MAJIN: variants seen among roughly 807,000 people sequenced by gnomAD.
MAJIN encodes the protein membrane anchored junction protein.
Under a neutral mutation model 30.2 loss-of-function variants are expected in MAJIN, and 27 were observed. The observed-to-expected ratio is 0.89, with a 90% confidence interval of 0.66 to 1.23. MAJIN has a LOEUF of 1.23. Among genes scored for constraint, MAJIN ranks in the 50% most tolerant of loss-of-function variants. MAJIN has a pLI of 0.00. For missense variants in MAJIN, 253 were observed against 260.3 expected (o/e 0.97, Z 0.19); for synonymous variants, 78 against 91.6 (o/e 0.85, Z 0.85).
intron 8 of MAJIN, among the ~76,000 whole-genome samples, chr11:64,947,142 T>A (rs776845055): frequency 6.6e-6 from 1 of 152,220 alleles, no homozygotes; most frequent in African/African-American, 2.4e-5. Flanking sequence ...TATTTCTTCT[T>A]AGCCTTCATC....
At chr11:64,961,856 A>G (rs551520612) in intron 1 of MAJIN, among the ~76,000 whole-genome samples, 1 of 149,242 alleles carries the variant, frequency 6.7e-6, no homozygotes, top group African/African-American at 2.5e-5. Flanking sequence ...TGGTATACCC[A>G]TAGCTCACTG....
intron 4 of MAJIN, among the ~76,000 whole-genome samples, chr11:64,953,545 C>A (rs578156857): frequency 6.6e-6 from 1 of 152,284 alleles, no homozygotes; most frequent in East Asian, 1.9e-4. Context: ...GTAATCCCAA[C>A]ACTTTGGGAG....
At chr11:64,967,068 G>A (rs1162247539) in intron 1 of MAJIN, among the ~76,000 whole-genome samples, 1 of 151,768 alleles carries the variant, frequency 6.6e-6, no homozygotes, top group Non-Finnish European at 1.5e-5. Context: ...CCAGGAGTTC[G>A]AGACCAGCCC....
intron 7 of MAJIN, 47 bp from the exon 8 acceptor site, chr11:64,947,512 T>G: frequency 6.4e-7 from 1 of 1,566,734 alleles, no homozygotes; most frequent in Non-Finnish European, 8.8e-7. Context: ...CCAGAGTTGC[T>G]CACAGTTCAT....
intron 1 of MAJIN, among the ~76,000 whole-genome samples, chr11:64,962,206 T>G (rs921236571): frequency 6.6e-6 from 1 of 152,230 alleles, no homozygotes; most frequent in African/African-American, 2.4e-5. Context: ...AGAGGAAATT[T>G]CATGTGTTGT....
intron 9 of MAJIN, among the ~76,000 whole-genome samples, chr11:64,940,262 C>CT (rs1945354165): frequency 1.3e-5 from 2 of 152,206 alleles, no homozygotes; most frequent in African/African-American, 4.8e-5. Context: ...AAACACAACC[C>CT]TCTCAACATT....
At chr11:64,963,918 G>C (rs891607277) in intron 1 of MAJIN, among the ~76,000 whole-genome samples, 1 of 152,130 alleles carries the variant, frequency 6.6e-6, no homozygotes, top group Non-Finnish European at 1.5e-5. Context: ...TTTTAGAAAT[G>C]AGATTGAGGA....
intron 3 of MAJIN, among the ~76,000 whole-genome samples, chr11:64,955,697 T>C (rs1293316594): frequency 6.6e-6 from 1 of 152,252 alleles, no homozygotes; most frequent in Admixed American, 6.5e-5. Flanking sequence ...AAAATTTCCG[T>C]CCACCATTTT....
chr11:64,960,787 G>A (rs1422643152), intron 1 of MAJIN, among the ~76,000 whole-genome samples: 1 of 152,176 alleles, frequency 6.6e-6, no homozygotes, highest in South Asian at 2.1e-4. Context: ...CTACGTGCCC[G>A]AAGAATGGAA....
chr11:64,950,323 C>T, intron 5 of MAJIN, 32 bp downstream of exon 5: 10 of 1,236,258 alleles, frequency 8.1e-6, no homozygotes, highest in Non-Finnish European at 1.1e-5. Context: ...GAGCAAGACT[C>T]CATCTCAAAA....
chr11:64,964,336 GAACGCCT>G (rs1945773568), intron 1 of MAJIN, among the ~76,000 whole-genome samples: 1 of 152,206 alleles, frequency 6.6e-6, no homozygotes, highest in Non-Finnish European at 1.5e-5. Flanking sequence ...AGAGACTCAT[GAACGCCT>G]ATAGCTGGAG....
chr11:64,961,047 A>G (rs1457493228), intron 1 of MAJIN, among the ~76,000 whole-genome samples: 7 of 152,220 alleles, frequency 4.6e-5, no homozygotes, highest in Non-Finnish European at 7.3e-5. Context: ...AACCCAGGCT[A>G]GTTTTGATGT....
intron 4 of MAJIN, 130 bp from the exon 5 acceptor site, chr11:64,950,560 T>C: frequency 1.4e-6 from 1 of 729,524 alleles, no homozygotes; most frequent in Non-Finnish European, 2.2e-6. Context: ...TTAACACGTG[T>C]TCTGATTCTC....
intron 1 of MAJIN, among the ~76,000 whole-genome samples, chr11:64,965,557 A>T (rs17146539): frequency 0.046 from 6,951 of 152,206 alleles, 183 homozygotes; most frequent in Middle Eastern, 0.065. Flanking sequence ...CTTTGGCCAA[A>T]AGGTCCAGGA....
At position 64,972,065 on chromosome 11, in the gene MAJIN, C is replaced by A. The variant is rs541639661; in HGVS notation, c.-253G>T. 2.0e-5 allele frequency: 3 copies of A among 152,338 alleles called. No individual in the cohort carries two copies. In the East Asian group the frequency reaches 5.8e-4, roughly 29 times the overall value. 9.4% of individuals were successfully genotyped at this position (152,338 alleles called of 1,614,324 possible). On this transcript the variant is annotated 5_prime_UTR_variant, in exon 1 of 11. Coordinates refer to ENST00000301896, the MANE Select transcript of MAJIN (RefSeq NM_001037225.3). ...CGCCAGCTCCTAAGCAACTTCGGGG[C>A]TCGTGCCGCGCACCCACCAGGCCTT... is the stretch of plus-strand genomic sequence containing the variant.
intron 1 of MAJIN, among the ~76,000 whole-genome samples, chr11:64,963,380 G>A (rs1318954839): frequency 6.6e-6 from 1 of 152,194 alleles, no homozygotes; most frequent in Admixed American, 6.5e-5. Flanking sequence ...TCAGTGCATA[G>A]AACCTGAAGC....
At chr11:64,952,852 G>A (rs564582357) in intron 4 of MAJIN, among the ~76,000 whole-genome samples, 7 of 151,958 alleles carry the variant, frequency 4.6e-5, no homozygotes, top group East Asian at 1.9e-4. Context: ...CTACAGGTAC[G>A]TGCCACCACA....
intron 1 of MAJIN, among the ~76,000 whole-genome samples, chr11:64,970,535 C>G (rs538989907): frequency 6.6e-6 from 1 of 150,748 alleles, no homozygotes; most frequent in Non-Finnish European, 1.5e-5. Flanking sequence ...CCCGGCTGAT[C>G]TTTGTATTTT....
At chr11:64,943,954 T>G (rs1287643053) in intron 8 of MAJIN, among the ~76,000 whole-genome samples, 1 of 152,224 alleles carries the variant, frequency 6.6e-6, no homozygotes, top group African/African-American at 2.4e-5. Context: ...AATCACTCAG[T>G]GGGCCAGCTG....
Sources: gnomAD v4.1 joint callset for allele counts (sites outside exome capture counted in the v4.1 genomes callset) on GRCh38, gnomAD v4.1.1 for gene constraint, MANE v1.5 for transcripts, NCBI Gene and HGNC (gene_info 2026-07-23, HGNC 2026-07-21) for gene names.